Variants in CYP51A1 observed in about 807,000 individuals in gnomAD.
The protein encoded by CYP51A1 is cytochrome P450 family 51 subfamily A member 1, also known as lanosterol 14-alpha demethylase.
A neutral mutation model predicts 53.5 loss-of-function variants in CYP51A1; 45 were observed. The observed-to-expected ratio is 0.84, with a 90% CI of 0.66 to 1.08. CYP51A1 has a LOEUF of 1.08. Ranked by LOEUF, CYP51A1 falls within the 50% of genes least tolerant of loss-of-function variation. CYP51A1 has a pLI of 0.00. For synonymous variants in CYP51A1, 181 were observed against 217.7 expected (o/e 0.83, Z 1.48); for missense variants, 462 against 621.7 (o/e 0.74, Z 2.73).
Position 92,131,778 on chromosome 7 carries a change from T to C in CYP51A1, c.287A>G (p.Glu96Gly), listed in dbSNP as rs756695149. 2.4e-5 allele frequency: 35 copies of C among 1,472,834 alleles called. No individual in the cohort carries two copies. The highest frequency in any genetic ancestry group is 1.8e-4 in the Middle Eastern group (1 of 5,610). 91.2% of individuals were successfully genotyped at this position (1,472,834 alleles called of 1,614,324 possible). A position where few individuals can be genotyped will look rare whatever the true frequency, so the allele number is the denominator to read the frequency against. Residue 96 changes from glutamate to glycine, a missense_variant, in exon 2 of 10, where the codon GAG becomes GGG. Coordinates refer to ENST00000003100, the MANE Select transcript of CYP51A1 (RefSeq NM_000786.4). ...SPIEFLENAY[E>G]KYGPVFSFTM... Reference sequence around the variant, plus strand: ...CTAATTATTTGGAAGACTTACCTTCTCATATGCATTTTCTAGAAATTCAAT... The same window carrying C: ...CTAATTATTTGGAAGACTTACCTTCCCATATGCATTTTCTAGAAATTCAAT...
At chr7:92,123,390 T>C in intron 6 of CYP51A1, 75 bp from the exon 7 acceptor site, 1 of 1,208,486 alleles carries the variant, frequency 8.3e-7, no homozygotes, top group South Asian at 1.4e-5. Flanking sequence ...AAATAAAGTG[T>C]CATAATGAAT....
At position 92,118,149 on chromosome 7, in the gene CYP51A1, T is replaced by C. The variant is rs1819616705; in HGVS notation, c.1182+371A>G. Among the ~76,000 whole-genome samples the C allele has an allele frequency of 2.0e-5, 3 of 152,132 alleles. No homozygotes were observed. In the South Asian group the frequency reaches 6.2e-4, roughly 32 times the overall value. The stretch of plus-strand genomic sequence containing the variant: ...CTCTACTTCCTCTTTTCTTTTTCTT[T>C]CTTTTTTATTTTTATTTTTTTTGAG... On this transcript the variant is annotated intron_variant, in intron 8 of 9. Transcript: ENST00000003100.
chr7:92,124,578 C>A (rs1432721041), intron 5 of CYP51A1, among the ~76,000 whole-genome samples: 2 of 152,168 alleles, frequency 1.3e-5, no homozygotes, highest in African/African-American at 4.8e-5. Context: ...CTAAAAAAAA[C>A]TCCTACTCTG....
intron 9 of CYP51A1, 76 bp from the exon 10 acceptor site, chr7:92,113,919 C>A (rs1357428847): frequency 3.3e-6 from 3 of 907,844 alleles, no homozygotes; most frequent in Non-Finnish European, 5.0e-6. Context: ...ATATTATCTA[C>A]ATTTTAGATG....
chr7:92,118,438 G>A, intron 8 of CYP51A1, 82 bp downstream of exon 8: 1 of 820,726 alleles, frequency 1.2e-6, no homozygotes, highest in Non-Finnish European at 2.2e-6. Context: ...GAGATTACAG[G>A]TGTGAACCAC....
intron 5 of CYP51A1, among the ~76,000 whole-genome samples, chr7:92,125,300 G>A (rs1819777555): frequency 6.6e-6 from 1 of 151,978 alleles, no homozygotes; most frequent in Admixed American, 6.6e-5. Context: ...AGAACTTTAG[G>A]GAATCTCTCC....
chr7:92,132,690 A>G (rs924757826), intron 1 of CYP51A1, among the ~76,000 whole-genome samples: 2 of 152,238 alleles, frequency 1.3e-5, no homozygotes, highest in African/African-American at 4.8e-5. Flanking sequence ...AAGAAGCTAT[A>G]TTTACTTCTC....
In CYP51A1 at chr7:92,123,054, T is replaced by G. The variant is rs1307360915; in HGVS notation, c.1086+66A>C. 1.0e-5 allele frequency: 13 copies of G among 1,275,714 alleles called. No homozygotes were observed. In the African/African-American group the frequency reaches 1.9e-4, roughly 19 times the overall value. 79.0% of individuals were successfully genotyped at this position (1,275,714 alleles called of 1,614,324 possible). A position where few individuals can be genotyped will look rare whatever the true frequency, so the allele number is the denominator to read the frequency against. The stretch of plus-strand genomic sequence containing the variant: ...TATATAGAAAATCTCAAATTGTCCC[T>G]TTTAAAAATTAGCCACAGATCCTCA... On this transcript the variant is annotated intron_variant, in intron 7 of 9. Transcript: ENST00000003100.
At position 92,113,586 on chromosome 7, in the gene CYP51A1, G is replaced by A. The variant is rs142175224; in HGVS notation, c.*79C>T. The A allele has an allele frequency of 4.0e-5, 54 of 1,356,452 alleles. No individual in the cohort carries two copies. In the African/African-American group the frequency reaches 7.1e-4, roughly 18 times the overall value. The allele number at this position is 1,356,452 out of a possible 1,614,324, so 84.0% of individuals were successfully genotyped here. On this transcript the variant is annotated 3_prime_UTR_variant, in exon 10 of 10. Coordinates refer to ENST00000003100, the MANE Select transcript of CYP51A1 (RefSeq NM_000786.4). The stretch of plus-strand genomic sequence containing the variant: ...AAAAAAACAGTAAACTACAAGAGTT[G>A]TTTTGTACACTTCATTCTCTTCGAA...
chr7:92,134,178 C>T lies in CYP51A1; in HGVS notation c.187G>A (p.Gly63Arg). 6.2e-7 allele frequency: 1 copy of T among 1,611,860 alleles called. No individual in the cohort carries two copies. The change falls in exon 1 of 10, where the codon GGG (glycine) becomes AGG (arginine). Residue 63 changes from glycine (G) to arginine (R), a missense_variant. Coordinates refer to ENST00000003100, the MANE Select transcript of CYP51A1 (RefSeq NM_000786.4). ...AAGHLVQLPA[G>R]VKSPPYIFSP... is the part of the protein sequence containing the mutation. ...ACCCTAAAGAATGTACGTACCACCCCTGCGGGCAGCTGGACCAGGTGGCCG... is the reference window on the plus strand; with the variant it reads ...ACCCTAAAGAATGTACGTACCACCCTTGCGGGCAGCTGGACCAGGTGGCCG...
intron 3 of CYP51A1, 37 bp downstream of exon 3, chr7:92,128,843 T>C (rs180706402): frequency 9.4e-5 from 146 of 1,554,312 alleles, no homozygotes; most frequent in East Asian, 9.0e-5. Flanking sequence ...TACTGAGGTA[T>C]AGATTTGTCT....
chr7:92,131,965 C>A, intron 1 of CYP51A1, 93 bp from the exon 2 acceptor site: 2 of 711,216 alleles, frequency 2.8e-6, no homozygotes, highest in Non-Finnish European at 4.7e-6. Flanking sequence ...AACAAAATAG[C>A]TATTAAGACT....
At position 92,112,652 on chromosome 7, in the gene CYP51A1, A is replaced by AC. The variant is rs1249778797; in HGVS notation, c.*1012dup. ...AGACCAGCCTAGCCAACATAGTGAA[A>AC]CCCCCGTCTCTACTAAAAATACAAA... On this transcript the variant is annotated 3_prime_UTR_variant, in exon 10 of 10. Transcript: ENST00000003100. The AC allele has an allele frequency of 1.3e-5, 2 of 151,898 alleles. No individual in the cohort carries two copies. The highest frequency in any genetic ancestry group is 2.1e-4 in the South Asian group (1 of 4,812). 9.4% of individuals were successfully genotyped at this position (151,898 alleles called of 1,614,324 possible).
chr7:92,122,036 G>T (rs1453305232), intron 7 of CYP51A1, among the ~76,000 whole-genome samples: 3 of 152,042 alleles, frequency 2.0e-5, no homozygotes. Context: ...TCACTACTGA[G>T]CTTACAGAAA....
At chr7:92,127,190 CT>C (rs1418224903) in intron 4 of CYP51A1, among the ~76,000 whole-genome samples, 1 of 152,220 alleles carries the variant, frequency 6.6e-6, no homozygotes, top group Non-Finnish European at 1.5e-5. Flanking sequence ...GATTCTGGAA[CT>C]CTTACAGAGG....
intron 1 of CYP51A1, among the ~76,000 whole-genome samples, chr7:92,132,419 T>G (rs1448724755): frequency 2.0e-5 from 3 of 152,214 alleles, no homozygotes; most frequent in Non-Finnish European, 4.4e-5. Context: ...CTATATAAAC[T>G]GTTATTAAAC....
At chr7:92,123,929 G>A in intron 5 of CYP51A1, 76 bp from the exon 6 acceptor site, 1 of 1,269,390 alleles carries the variant, frequency 7.9e-7, no homozygotes, top group Non-Finnish European at 1.1e-6. Context: ...TTGAGAACCA[G>A]GACCGAGCAT....
At chr7:92,123,428 T>C (rs1819731529) in intron 6 of CYP51A1, 113 bp from the exon 7 acceptor site, 3 of 947,478 alleles carry the variant, frequency 3.2e-6, no homozygotes, top group Admixed American at 2.5e-5. Flanking sequence ...TGGTCTCTTA[T>C]ATTTGACTAT....
chr7:92,121,190 G>C (rs773110070), intron 7 of CYP51A1, among the ~76,000 whole-genome samples: 15 of 151,694 alleles, frequency 9.9e-5, no homozygotes, highest in Non-Finnish European at 2.1e-4. Context: ...GCTGAGGAAG[G>C]AGAATAGCTT....
Sources: allele counts gnomAD v4.1 joint callset (sites outside exome capture counted in the v4.1 genomes callset), GRCh38; gene constraint gnomAD v4.1.1; transcripts MANE v1.5; gene names NCBI Gene and HGNC (gene_info 2026-07-23, HGNC 2026-07-21).